Variants in ARHGAP29 observed in about 807,000 individuals in gnomAD.
The protein encoded by ARHGAP29 is rho GTPase-activating protein 29.
A neutral mutation model predicts 122.6 loss-of-function variants in ARHGAP29; 43 were observed. The observed-to-expected ratio is 0.35, with a 90% CI of 0.27 to 0.45. The LOEUF is 0.45. Ranked by LOEUF, ARHGAP29 falls within the 20% of genes least tolerant of loss-of-function variation. The probability of loss-of-function intolerance (pLI) is 1.00; values close to 1 mark genes in which losing one functional copy is unlikely to be tolerated. For missense variants in ARHGAP29, 1,303 were observed against 1,477.2 expected (o/e 0.88, Z 1.93); for synonymous variants, 506 against 497.1 (o/e 1.02, Z -0.24).
the ARHGAP29 span, among the ~76,000 whole-genome samples, chr1:94,296,297 G>A: frequency 6.6e-6 from 1 of 152,136 alleles, no homozygotes; most frequent in Non-Finnish European, 1.5e-5. Context: ...CAGATCGACT[G>A]TTGAGGTGGT....
the ARHGAP29 span, among the ~76,000 whole-genome samples, chr1:94,281,284 A>G: frequency 6.6e-6 from 1 of 152,206 alleles, no homozygotes; most frequent in African/African-American, 2.4e-5. Flanking sequence ...CTCCCTTTCT[A>G]AAAGAAAGAT....
intron 1 of ARHGAP29, among the ~76,000 whole-genome samples, chr1:94,249,758 A>C (rs911352923): frequency 6.6e-6 from 1 of 152,128 alleles, no homozygotes; most frequent in Non-Finnish European, 1.5e-5. Flanking sequence ...TCTCAAAAAA[A>C]AAAAAAGAAA....
intron 1 of ARHGAP29, 61 bp downstream of exon 1, chr1:94,237,354 C>T (rs1470126704): frequency 1.2e-5 from 12 of 975,566 alleles, no homozygotes; most frequent in Non-Finnish European, 1.5e-5. Flanking sequence ...CTCGCGCGGG[C>T]AACCCCAGCC....
intron 13 of ARHGAP29, 118 bp downstream of exon 13, chr1:94,189,808 G>T (rs1020313685): frequency 4.3e-6 from 4 of 927,122 alleles, no homozygotes; most frequent in Admixed American, 2.7e-5. Context: ...AATATTTAAA[G>T]AACTCAGAAA....
intron 1 of ARHGAP29, among the ~76,000 whole-genome samples, chr1:94,248,650 C>T (rs1001392672): frequency 6.6e-6 from 1 of 152,174 alleles, no homozygotes; most frequent in East Asian, 1.9e-4. Flanking sequence ...CACCCTTCTT[C>T]GTTAGGAGAA....
At chr1:94,239,554 A>T (rs1459679752), upstream of ARHGAP29, among the ~76,000 whole-genome samples, 2 of 152,106 alleles carry the variant, frequency 1.3e-5, no homozygotes, top group East Asian at 3.9e-4. Flanking sequence ...AAGGAAAGAG[A>T]GACAACAATA....
At position 94,189,354 on chromosome 1, in the gene ARHGAP29, T is replaced by C; in HGVS notation, c.1440-2A>G. ...CTATTTAAATGTTTATTTACATTTC[T>C]GAAACAACAACAATGACAAAAAACA... On this transcript the variant is annotated splice_acceptor_variant, in intron 13 of 22. Transcript: ENST00000260526. LOFTEE classifies it high-confidence loss of function. 6.2e-7 allele frequency: 1 copy of C among 1,603,934 alleles called. No individual in the cohort carries two copies. Among genetic ancestry groups the C allele is most frequent in the Non-Finnish European group, 8.5e-7 (1 of 1,176,448 alleles).
rs1018056088 is a variant in ARHGAP29, at chr1:94,197,376, T to A, written c.1281+4344A>T. ...CACTGAATACGTAGTAAAAAAAAAA[T>A]TTTCCAAAGGAGAAAATCCCAAGCC... On this transcript the variant is annotated intron_variant, in intron 12 of 22. Transcript: ENST00000260526. Among the ~76,000 whole-genome samples, 11 of 151,938 alleles carry A rather than the reference T, an allele frequency of 7.2e-5. 1 individual carries two copies. In the Middle Eastern group the frequency reaches 0.01, roughly 141 times the overall value.
rs147861287 is a variant in ARHGAP29, at chr1:94,259,951, A to T, written c.-33+15061T>A. Among the ~76,000 whole-genome samples, 105 of 152,358 alleles carry T rather than the reference A, an allele frequency of 6.9e-4. No individual in the cohort carries two copies. In the East Asian group the frequency reaches 0.019, roughly 28 times the overall value. On this transcript the variant is annotated intron_variant and NMD_transcript_variant, in intron 1 of 25. Coordinates refer to the ARHGAP29 transcript ENST00000552844. The stretch of plus-strand genomic sequence containing the variant: ...CTGTTGGCCGAAGAATGAACTTTTC[A>T]GAGAGGAAAAGTGTCCTCCCTGCAT...
At chr1:94,254,861 A>G (rs532779112) in intron 1 of ARHGAP29, among the ~76,000 whole-genome samples, 5 of 152,320 alleles carry the variant, frequency 3.3e-5, no homozygotes, top group Admixed American at 6.5e-5. Context: ...TGGAGCTGCC[A>G]GATGCCAATA....
At chr1:94,219,252 TC>T (rs373792548) in intron 3 of ARHGAP29, among the ~76,000 whole-genome samples, 1 of 147,378 alleles carries the variant, frequency 6.8e-6, no homozygotes, top group East Asian at 2.0e-4. Flanking sequence ...GATAATCACT[TC>T]TTAAAATCCA....
At chr1:94,240,826 C>G (rs1267204749), upstream of ARHGAP29, among the ~76,000 whole-genome samples, 4 of 152,142 alleles carry the variant, frequency 2.6e-5, no homozygotes, top group Non-Finnish European at 2.9e-5. Context: ...TTTGTGGTAC[C>G]AGACTGCACA....
chr1:94,238,732 G>A (rs1486265532), upstream of ARHGAP29, among the ~76,000 whole-genome samples: 7 of 151,720 alleles, frequency 4.6e-5, no homozygotes, highest in Non-Finnish European at 1.0e-4. Flanking sequence ...AATAAGTGAA[G>A]GCAAAAAGAG....
chr1:94,234,771 A>G (rs1426264327), intron 1 of ARHGAP29, among the ~76,000 whole-genome samples: 1 of 152,204 alleles, frequency 6.6e-6, no homozygotes, highest in East Asian at 1.9e-4. Context: ...CAAAATGCCT[A>G]TTAGCCTAAC....
At chr1:94,237,766 T>A (rs1012654289), upstream of ARHGAP29, 116 of 985,300 alleles carry the variant, frequency 1.2e-4, no homozygotes, top group Non-Finnish European at 1.3e-4. Context: ...CCGGACGCTG[T>A]CCCAGCATCA....
Position 94,174,253 on chromosome 1 carries a change from T to C in ARHGAP29, c.3402A>G (p.Ser1134=). 1.2e-6 allele frequency: 2 copies of C among 1,614,240 alleles called. No individual in the cohort carries two copies. Among genetic ancestry groups the C allele is most frequent in the Non-Finnish European group, 1.7e-6 (2 of 1,180,042 alleles). The change falls in exon 23 of 23, where the codon TCA becomes TCG. Residue 1134 remains serine, a synonymous_variant. Transcript: ENST00000260526. ...PSKPYAEPVR[S]VREASERRSS... ...ACCGTCTCTCAGATGCCTCTCTCAC[T>C]GACCTGACTGGCTCTGCATATGGCT...
intron 19 of ARHGAP29, among the ~76,000 whole-genome samples, chr1:94,183,633 C>T (rs913296286): frequency 6.6e-6 from 1 of 152,280 alleles, no homozygotes; most frequent in African/African-American, 2.4e-5. Flanking sequence ...TGGCCACTAA[C>T]CTATCACAAT....
chr1:94,261,972 C>A (rs1056544554), intron 1 of ARHGAP29, among the ~76,000 whole-genome samples: 1 of 152,120 alleles, frequency 6.6e-6, no homozygotes, highest in African/African-American at 2.4e-5. Context: ...AAGAAGAATG[C>A]TGGAGGCATC....
upstream of ARHGAP29, among the ~76,000 whole-genome samples, chr1:94,279,067 C>G (rs1570638425): frequency 6.6e-6 from 1 of 152,300 alleles, no homozygotes; most frequent in East Asian, 1.9e-4. Flanking sequence ...GGCTAACATT[C>G]ATCTATAGGT....
Sources: gnomAD v4.1 joint callset for allele counts (sites outside exome capture counted in the v4.1 genomes callset) on GRCh38, gnomAD v4.1.1 for gene constraint, MANE v1.5 for transcripts, NCBI Gene and HGNC (gene_info 2026-07-23, HGNC 2026-07-21) for gene names.